Variants in ADPRHL1 observed in about 807,000 individuals in gnomAD.
ADPRHL1 encodes inactive ADP-ribosyltransferase ARH2.
A neutral mutation model predicts 44.1 loss-of-function variants in ADPRHL1; 43 were observed. That is an observed-to-expected ratio of 0.98 (90% CI 0.76 to 1.26). The LOEUF is 1.26. ADPRHL1 is among the 50% of genes most tolerant of loss of function. ADPRHL1 has a pLI of 0.00. For synonymous variants in ADPRHL1, 878 were observed against 1,017.4 expected (o/e 0.86, Z 2.61); for missense variants, 2,022 against 2,496.9 (o/e 0.81, Z 4.05).
At chr13:113,417,869 C>A (rs1348245888) in intron 7 of ADPRHL1, among the ~76,000 whole-genome samples, 1 of 152,186 alleles carries the variant, frequency 6.6e-6, no homozygotes, top group Non-Finnish European at 1.5e-5. Context: ...CTAATGGGAC[C>A]TTTGGAATGC....
intron 4 of ADPRHL1, 48 bp from the exon 5 acceptor site, chr13:113,425,227 TG>T: frequency 5.1e-6 from 1 of 194,794 alleles, no homozygotes. Flanking sequence ...ATCCATGGAG[TG>T]GGGCGGGTGC....
rs1023210461 is a variant in ADPRHL1 at position 113,405,041 on chromosome 13, G to A, written c.4241C>T (p.Pro1414Leu). 18 of 1,232,572 alleles carry A rather than the reference G, an allele frequency of 1.5e-5. No individual in the cohort carries two copies. In the South Asian group the frequency reaches 6.5e-4, roughly 45 times the overall value. 76.4% of individuals were successfully genotyped at this position (1,232,572 alleles called of 1,614,324 possible). A position where few individuals can be genotyped will look rare whatever the true frequency, so the allele number is the denominator to read the frequency against. Reference protein sequence around the residue: ...SKVVLNPAKEPQTWWAQDLAG... With the variant: ...SKVVLNPAKELQTWWAQDLAG... ...CAGATCCTGTGCCCACCATGTCTGA[G>A]GCTCTTTTGCTGGGTTCAGCACAAC... Residue 1414 changes from proline (P) to leucine (L), a missense_variant, in exon 8 of 8, where the codon CCT (proline) becomes CTT (leucine). Pro to Leu is a moderately conservative substitution (Grantham distance 98, BLOSUM62 -3). Around this residue, in one of 8 missense-constraint regions of ADPRHL1, gnomAD observed 1,221 missense variants for 1,517.8 expected, o/e 0.80. Transcript: ENST00000612156.
intron 2 of ADPRHL1, among the ~76,000 whole-genome samples, chr13:113,442,725 A>G (rs887383582): frequency 2.0e-5 from 3 of 151,926 alleles, no homozygotes; most frequent in Admixed American, 6.6e-5. Context: ...TGTATCTGTG[A>G]GTTTATAGTT....
At chr13:113,429,418 G>A (rs1472383545) in intron 3 of ADPRHL1, among the ~76,000 whole-genome samples, 7 of 152,234 alleles carry the variant, frequency 4.6e-5, no homozygotes, top group African/African-American at 1.4e-4. Context: ...GGGACCGCAC[G>A]CGATTTGTCC....
chr13:113,420,149 C>T (rs571843515), intron 7 of ADPRHL1, among the ~76,000 whole-genome samples: 3 of 152,278 alleles, frequency 2.0e-5, no homozygotes, highest in Admixed American at 6.5e-5. Flanking sequence ...ATGAAACCTG[C>T]CGGTGCCGTT....
intron 1 of ADPRHL1, among the ~76,000 whole-genome samples, chr13:113,445,092 C>T (rs1019571801): frequency 2.0e-5 from 3 of 152,188 alleles, no homozygotes; most frequent in Non-Finnish European, 2.9e-5. Flanking sequence ...CACCAAGCAG[C>T]ATCCCCAGCC....
chr13:113,439,714 C>T (rs1426508354), intron 2 of ADPRHL1, among the ~76,000 whole-genome samples: 1 of 152,178 alleles, frequency 6.6e-6, no homozygotes, highest in Non-Finnish European at 1.5e-5. Flanking sequence ...TCCTAAAGTG[C>T]TGGGATTACA....
chr13:113,405,097 C>T lies in ADPRHL1; in HGVS notation c.4185G>A (p.Ala1395=), dbSNP rs979345434. The T allele has an allele frequency of 1.7e-5, 21 of 1,232,100 alleles. No homozygotes were observed. Among genetic ancestry groups the T allele is most frequent in the African/African-American group, 4.7e-5 (3 of 64,444 alleles). 76.3% of individuals were successfully genotyped at this position (1,232,100 alleles called of 1,614,324 possible). The change falls in exon 8 of 8, where the codon GCG becomes GCA. Residue 1395 remains alanine, a synonymous_variant. Transcript: ENST00000612156. ...AQEETPQPGD[A]GKRVAPSGSK... ...AGCCCGACGGCGCCACCCTCTTCCCCGCATCCCCGGGCTGGGGGGTCTCCT... is the reference window on the plus strand; with the variant it reads ...AGCCCGACGGCGCCACCCTCTTCCCTGCATCCCCGGGCTGGGGGGTCTCCT...
chr13:113,400,197 G>A lies in ADPRHL1; in HGVS notation c.*3181C>T, dbSNP rs1476044799. 6.9e-5 allele frequency: 10 copies of A among 144,648 alleles called. No homozygotes were observed. Among genetic ancestry groups the A allele is most frequent in the African/African-American group, 2.1e-4 (8 of 38,880 alleles). The allele number at this position is 144,648 out of a possible 1,614,324, so 9.0% of individuals were successfully genotyped here. A position where few individuals can be genotyped will look rare whatever the true frequency, so the allele number is the denominator to read the frequency against. On this transcript the variant is annotated 3_prime_UTR_variant, in exon 8 of 8. Transcript: ENST00000612156. ...GTCTCGCTCTGTCACCCAGGCTGGA[G>A]TGCAGTGGCGCAATCTCGGCTCACT...
At chr13:113,433,942 T>G in intron 2 of ADPRHL1, 75 bp from the exon 3 acceptor site, 2 of 1,443,790 alleles carry the variant, frequency 1.4e-6, no homozygotes, top group Non-Finnish European at 1.8e-6. Context: ...CTTTCATGAA[T>G]AATTTTAAAA....
intron 6 of ADPRHL1, 98 bp downstream of exon 6, chr13:113,424,119 G>T: frequency 1.4e-6 from 2 of 1,463,706 alleles, no homozygotes; most frequent in Non-Finnish European, 1.8e-6. Context: ...CTCAGGAGGT[G>T]GCCCCTGAAT....
chr13:113,424,465 T>G, intron 5 of ADPRHL1, 116 bp from the exon 6 acceptor site: 1 of 1,422,530 alleles, frequency 7.0e-7, no homozygotes, highest in Non-Finnish European at 9.5e-7. Context: ...CATCCACCCT[T>G]TTCTTTTTGA....
In ADPRHL1 at chr13:113,405,611, G is replaced by A. The variant is rs1190048027; in HGVS notation, c.3671C>T (p.Ala1224Val). The change falls in exon 8 of 8, where the codon GCG (alanine) becomes GTG (valine). Residue 1224 changes from alanine to valine, a missense_variant. Coordinates refer to ENST00000612156, the MANE Select transcript of ADPRHL1 (RefSeq NM_001394807.1). The stretch of plus-strand genomic sequence containing the variant: ...TGTGTTTGAAATGTATAATCGGGCC[G>A]CCTCTGGGTGCCGGGCGAGGGCCGC... ...DAAALARHPE[A>V]ARLYISNTSA... 4.8e-5 allele frequency: 59 copies of A among 1,232,596 alleles called. No homozygotes were observed. The highest frequency in any genetic ancestry group is 2.1e-4 in the South Asian group (5 of 24,362). 76.4% of individuals were successfully genotyped at this position (1,232,596 alleles called of 1,614,324 possible). A position where few individuals can be genotyped will look rare whatever the true frequency, so the allele number is the denominator to read the frequency against.
In ADPRHL1 at chr13:113,407,645, G is replaced by A. The variant is rs769125890; in HGVS notation, c.1637C>T (p.Ser546Leu). The A allele has an allele frequency of 1.2e-5, 15 of 1,231,952 alleles. No homozygotes were observed. Among genetic ancestry groups the A allele is most frequent in the South Asian group, 4.1e-5 (1 of 24,328 alleles). The allele number at this position is 1,231,952 out of a possible 1,614,324, so 76.3% of individuals were successfully genotyped here. The change falls in exon 8 of 8, where the codon TCG (serine) becomes TTG (leucine). Residue 546 changes from serine to leucine, a missense_variant. Around this residue, in one of 8 missense-constraint regions of ADPRHL1, gnomAD observed 1,221 missense variants for 1,517.8 expected, o/e 0.80. Coordinates refer to ENST00000612156, the MANE Select transcript of ADPRHL1 (RefSeq NM_001394807.1). Reference protein sequence around the residue: ...GLLPKIMGKSSVLSKLREKFE... With the variant: ...GLLPKIMGKSLVLSKLREKFE... ...CTTCTCCCGCAGCTTGGACAGCACC[G>A]AGCTCTTGCCCATGATCTTCGGCAA...
intron 1 of ADPRHL1, among the ~76,000 whole-genome samples, chr13:113,452,533 T>C (rs1251271710): frequency 6.6e-6 from 1 of 152,234 alleles, no homozygotes; most frequent in Non-Finnish European, 1.5e-5. Context: ...CTGGACTGCA[T>C]GTCTGTGCAC....
At chr13:113,428,140 C>T (rs757205984) in intron 4 of ADPRHL1, among the ~76,000 whole-genome samples, 1 of 150,768 alleles carries the variant, frequency 6.6e-6, no homozygotes, top group Non-Finnish European at 1.5e-5. Context: ...GCTGCTTCGG[C>T]GGCTGAGGCA....
rs2043813144 is a variant in ADPRHL1, at chr13:113,406,902, C to T, written c.2380G>A (p.Ala794Thr). ...VCSSEDEREGAGFPDPGRDPL... is the reference protein window; with the variant it reads ...VCSSEDEREGTGFPDPGRDPL... ...TCTCTCCCTGGGTCTGGGAAGCCTG[C>T]TCCTTCCCTTTCATCCTCTGAACTG... The change falls in exon 8 of 8, where the codon GCA becomes ACA. Residue 794 changes from alanine to threonine, a missense_variant. Physicochemically the swap from Ala to Thr is moderately conservative, Grantham distance 58. Transcript: ENST00000612156. 5.7e-6 allele frequency: 7 copies of T among 1,232,218 alleles called. No individual in the cohort carries two copies. Among genetic ancestry groups the T allele is most frequent in the South Asian group, 4.1e-5 (1 of 24,320 alleles). The allele number at this position is 1,232,218 out of a possible 1,614,324, so 76.3% of individuals were successfully genotyped here. A position where few individuals can be genotyped will look rare whatever the true frequency, so the allele number is the denominator to read the frequency against.
At chr13:113,410,801 G>A (rs182305928) in intron 7 of ADPRHL1, among the ~76,000 whole-genome samples, 13 of 152,332 alleles carry the variant, frequency 8.5e-5, no homozygotes, top group African/African-American at 2.6e-4. Flanking sequence ...ACCAGCCTGG[G>A]GGCATTGTGC....
At chr13:113,442,410 G>A (rs896031144) in intron 2 of ADPRHL1, among the ~76,000 whole-genome samples, 7 of 152,346 alleles carry the variant, frequency 4.6e-5, no homozygotes, top group African/African-American at 9.6e-5. Flanking sequence ...AGTGGCACCC[G>A]TATCTGTGCC....
Sources: gnomAD v4.1 joint callset for allele counts (sites outside exome capture counted in the v4.1 genomes callset) on GRCh38, gnomAD v4.1.1 for gene constraint, gnomAD v4.1.1 regional missense constraint, MANE v1.5 for transcripts, NCBI Gene and HGNC (gene_info 2026-07-23, HGNC 2026-07-21) for gene names.